The following CDKN2B-AS1 variants were observed in gnomAD, a reference collection of about 807,000 sequenced individuals.
CDKN2B-AS1 encodes CDKN2B and CDKN2A antisense cis and trans regulatory RNA 1.
At position 22,013,972 on chromosome 9, in the gene CDKN2B-AS1, C is replaced by G. The variant is rs372591698; in HGVS notation, n.29+18811C>G. Among the ~76,000 whole-genome samples the G allele has an allele frequency of 1.8e-4, 28 of 152,088 alleles. 1 individual carries two copies. The highest frequency in any genetic ancestry group is 1.4e-3 in the Admixed American group (21 of 15,288). On this transcript the variant is annotated intron_variant and non_coding_transcript_variant, in intron 1 of 4. Transcript: ENST00000650946. ...ATGTGATTCAGGTTTGATATTTGGGCAAAAGTATTTAATAAGTGGGATTAC... is the reference window on the plus strand; with the variant it reads ...ATGTGATTCAGGTTTGATATTTGGGGAAAAGTATTTAATAAGTGGGATTAC...
chr9:22,091,731 A>G (rs1032684023), intron 4 of CDKN2B-AS1, among the ~76,000 whole-genome samples: 4 of 152,152 alleles, frequency 2.6e-5, no homozygotes, highest in Non-Finnish European at 4.4e-5. Flanking sequence ...GGCTGAGACG[A>G]TGGGGTTTTC....
chr9:22,079,725 C>T (rs757394625), intron 4 of CDKN2B-AS1, among the ~76,000 whole-genome samples: 2 of 150,748 alleles, frequency 1.3e-5, no homozygotes, highest in Admixed American at 6.6e-5. Flanking sequence ...GATTTTCTTA[C>T]TCTTCTCTTG....
At position 22,005,069 on chromosome 9, in the gene CDKN2B-AS1, A is replaced by G. The variant is rs1285899763; in HGVS notation, n.29+9908A>G. ...AACTAAAAAGTACAAAATATCACAAAATCAAAAAGTAGCAAGTCATAAGGG... is the reference window on the plus strand; with the variant it reads ...AACTAAAAAGTACAAAATATCACAAGATCAAAAAGTAGCAAGTCATAAGGG... On this transcript the variant is annotated intron_variant and non_coding_transcript_variant, in intron 1 of 4. Transcript: ENST00000650946. The surrounding 1 kb of genome is among the most constrained non-coding windows in gnomAD (Gnocchi z 4.9). 2 of 233,134 alleles carry G rather than the reference A, an allele frequency of 8.6e-6. No homozygotes were observed. The highest frequency in any genetic ancestry group is 1.7e-5 in the Non-Finnish European group (2 of 118,080). The allele number at this position is 233,134 out of a possible 1,614,324, so 14.4% of individuals were successfully genotyped here.
Position 22,006,894 on chromosome 9 carries a change from A to G in CDKN2B-AS1, n.29+11733A>G, listed in dbSNP as rs779783850. On this transcript the variant is annotated intron_variant and non_coding_transcript_variant, in intron 1 of 4. Coordinates refer to ENST00000650946, the Ensembl canonical transcript of CDKN2B-AS1. This position sits in a 1 kb window ranked among gnomAD's most constrained non-coding sequence, Gnocchi z 6.4. ...AGATTAGAAGGGAAAAGTAAATTAA[A>G]TCATGCAAAATCTTATAAAATTATA... is the stretch of plus-strand genomic sequence containing the variant. Among the ~76,000 whole-genome samples, 1 of 152,276 alleles carries G rather than the reference A, an allele frequency of 6.6e-6. No homozygotes were observed. The highest frequency in any genetic ancestry group is 1.9e-4 in the East Asian group (1 of 5,192).
intron 4 of CDKN2B-AS1, among the ~76,000 whole-genome samples, chr9:22,070,994 A>G (rs1011339102): frequency 5.3e-5 from 8 of 152,090 alleles, no homozygotes; most frequent in African/African-American, 1.9e-4. Flanking sequence ...CAGTGGACCA[A>G]TGGGGGAAGA....
chr9:22,092,670 T>C (rs530648976), intron 4 of CDKN2B-AS1, among the ~76,000 whole-genome samples: 3 of 152,350 alleles, frequency 2.0e-5, no homozygotes, highest in Non-Finnish European at 4.4e-5. Flanking sequence ...GGTGGTGATA[T>C]CCCCTTTTAA....
intron 4 of CDKN2B-AS1, among the ~76,000 whole-genome samples, chr9:22,059,783 T>G (rs1353772606): frequency 6.6e-6 from 1 of 152,254 alleles, no homozygotes; most frequent in African/African-American, 2.4e-5. Context: ...ATACATCTTC[T>G]GAAATCTAAG....
intron 4 of CDKN2B-AS1, among the ~76,000 whole-genome samples, chr9:22,087,554 C>G (rs912089465): frequency 6.6e-6 from 1 of 152,110 alleles, no homozygotes; most frequent in Non-Finnish European, 1.5e-5. Flanking sequence ...TTCAGAAATG[C>G]CTAGTGGAAA....
chr9:22,011,307 C>T (rs960260414), intron 1 of CDKN2B-AS1, among the ~76,000 whole-genome samples: 3 of 152,190 alleles, frequency 2.0e-5, no homozygotes, highest in Non-Finnish European at 2.9e-5. Flanking sequence ...ATCTAATATT[C>T]TCTGTATAAA....
intron 4 of CDKN2B-AS1, among the ~76,000 whole-genome samples, chr9:22,069,795 G>A (rs1237991676): frequency 3.3e-5 from 5 of 151,906 alleles, no homozygotes; most frequent in African/African-American, 4.8e-5. Flanking sequence ...TGTACCTGTC[G>A]ACCAGCCTCT....
chr9:22,033,523 C>T (rs1822563191), intron 1 of CDKN2B-AS1, among the ~76,000 whole-genome samples: 1 of 152,062 alleles, frequency 6.6e-6, no homozygotes, highest in Admixed American at 6.6e-5. Flanking sequence ...CCTGCCACTC[C>T]AATAAAAACC....
At chr9:22,004,429 A>T (rs1821069027) in intron 1 of CDKN2B-AS1, 1 of 232,326 alleles carries the variant, frequency 4.3e-6, no homozygotes, top group African/African-American at 2.2e-5. Context: ...AGTTTTTATG[A>T]ATTGCTGGTA....
At chr9:22,065,115 C>G (rs948227150) in intron 4 of CDKN2B-AS1, among the ~76,000 whole-genome samples, 2 of 152,154 alleles carry the variant, frequency 1.3e-5, no homozygotes, top group African/African-American at 4.8e-5. Flanking sequence ...CTGATTCTCT[C>G]TAGTGATTAT....
chr9:22,114,496 A>G (rs10738609), intron 4 of CDKN2B-AS1, among the ~76,000 whole-genome samples: 63,592 of 152,068 alleles, frequency 0.42, 14,767 homozygotes, highest in Middle Eastern at 0.63. Context: ...ACTCATCCCC[A>G]TGAAGGAGAA....
intron 1 of CDKN2B-AS1, chr9:22,012,670 C>T (rs1821564560): frequency 2.9e-6 from 1 of 348,216 alleles, no homozygotes; most frequent in South Asian, 2.4e-5. Flanking sequence ...AGAGAAACAG[C>T]GACCTAACCT....
At chr9:22,060,079 A>C (rs946889321) in intron 4 of CDKN2B-AS1, among the ~76,000 whole-genome samples, 20 of 151,748 alleles carry the variant, frequency 1.3e-4, no homozygotes, top group African/African-American at 4.8e-4. Context: ...GCTTGGAGAC[A>C]TTTTCCCCAT....
At chr9:22,101,665 AACACAC>A (rs748040681) in intron 4 of CDKN2B-AS1, among the ~76,000 whole-genome samples, 7 of 125,382 alleles carry the variant, frequency 5.6e-5, no homozygotes, top group South Asian at 5.8e-4. Flanking sequence ...AACCCTCTTC[AACACAC>A]ACACACACAC....
chr9:22,072,549 A>T (rs78335127), intron 4 of CDKN2B-AS1, among the ~76,000 whole-genome samples: 2,330 of 152,304 alleles, frequency 0.015, 58 homozygotes, highest in African/African-American at 0.053. Context: ...TAGTTTTGTC[A>T]TCAGTCAAAG....
rs534369709 is a variant in CDKN2B-AS1, at chr9:22,002,326, C to G, written n.29+7165C>G. 8.5e-5 allele frequency among the ~76,000 whole-genome samples: 13 copies of G among 152,070 alleles called. No individual in the cohort carries two copies. The South Asian group carries it at 2.7e-3, about 32-fold the overall frequency. ...CTCTAAGTTTTGCATATCATTAGTT[C>G]TACTTGCTCCACTTTTGATAGAGTG... On this transcript the variant is annotated intron_variant and non_coding_transcript_variant, in intron 1 of 4. Coordinates refer to ENST00000650946, the Ensembl canonical transcript of CDKN2B-AS1.
Sources: gnomAD v4.1 joint callset for allele counts (sites outside exome capture counted in the v4.1 genomes callset) on GRCh38, gnomAD v4.1.1 for gene constraint, Gnocchi (gnomAD v3.1) non-coding constraint, MANE v1.5 for transcripts, NCBI Gene and HGNC (gene_info 2026-07-23, HGNC 2026-07-21) for gene names.